PITPNM3: variants seen among roughly 807,000 people sequenced by gnomAD.
The protein encoded by PITPNM3 is membrane-associated phosphatidylinositol transfer protein 3.
A neutral mutation model predicts 102.0 loss-of-function variants in PITPNM3; 26 were observed. The ratio of observed to expected loss-of-function variants is 0.25; its 90% confidence interval spans 0.19 to 0.35. The LOEUF (loss-of-function observed/expected upper bound fraction) is 0.35. Ranked by LOEUF, PITPNM3 falls within the 10% of genes least tolerant of loss-of-function variation. The pLI is 1.00. For missense variants in PITPNM3, 1,083 were observed against 1,346.1 expected, an observed-to-expected ratio of 0.80 and a Z score of 3.06; for synonymous variants, 578 against 558.6, an observed-to-expected ratio of 1.03 and a Z score of -0.49.
At chr17:6,504,511 C>T (rs540163397) in intron 3 of PITPNM3, among the ~76,000 whole-genome samples, 1 of 152,308 alleles carries the variant, frequency 6.6e-6, no homozygotes, top group East Asian at 1.9e-4. Flanking sequence ...TCATGGCCCC[C>T]GGGCTCTCTC....
intron 4 of PITPNM3, among the ~76,000 whole-genome samples, chr17:6,502,834 T>C (rs8080040): frequency 0.75 from 113,513 of 151,956 alleles, 42,580 homozygotes; most frequent in Middle Eastern, 0.85. Context: ...CCAAGGAAGA[T>C]GTCCTGAGGT....
intron 3 of PITPNM3, among the ~76,000 whole-genome samples, chr17:6,514,493 C>T (rs904301431): frequency 2.0e-5 from 3 of 152,142 alleles, no homozygotes; most frequent in African/African-American, 7.2e-5. Flanking sequence ...TGAATAAGCA[C>T]ACGAAAAGAT....
Position 6,457,451 on chromosome 17 carries a change from A to C in PITPNM3, c.2619+143T>G. The C allele has an allele frequency of 4.4e-6, 6 of 1,373,052 alleles. No individual in the cohort carries two copies. The highest frequency in any genetic ancestry group is 5.9e-6 in the Non-Finnish European group (6 of 1,009,412). The allele number at this position is 1,373,052 out of a possible 1,614,324, so 85.1% of individuals were successfully genotyped here. On this transcript the variant is annotated intron_variant, in intron 19 of 19. Coordinates refer to ENST00000262483, the MANE Select transcript of PITPNM3 (RefSeq NM_031220.4). The surrounding 1 kb of genome is among the most constrained non-coding windows in gnomAD (Gnocchi z 4.7). ...ACACAGGCCCTGGCCCAAGGCAGGC[A>C]CCCCGAAGTGTTTGTTGAATAAATG...
In PITPNM3 at chr17:6,469,760, C is replaced by G. The variant is rs1017341736; in HGVS notation, c.1773+500G>C. 6.6e-6 allele frequency among the ~76,000 whole-genome samples: 1 copy of G among 152,220 alleles called. No individual in the cohort carries two copies. Among genetic ancestry groups the G allele is most frequent in the Non-Finnish European group, 1.5e-5 (1 of 68,048 alleles). ...AACACAAGCCAGTTGCTATTTCTTC[C>G]TTGCTCACAGCCCTGCAATGGCTTC... On this transcript the variant is annotated intron_variant, in intron 13 of 19. Transcript: ENST00000262483. The surrounding 1 kb of genome is among the most constrained non-coding windows in gnomAD (Gnocchi z 4.0).
intron 18 of PITPNM3, chr17:6,460,839 A>T (rs534618429): frequency 5.1e-5 from 9 of 177,614 alleles, no homozygotes; most frequent in Non-Finnish European, 9.6e-5. Flanking sequence ...GCCCCTCCCC[A>T]GAGTTTCTGA....
Position 6,457,746 on chromosome 17 carries a change from G to T in PITPNM3, c.2491-24C>A. ...CACTGAAACACAGGGCAGGCATAGG[G>T]GGAGAGTGAGGCCAGCCCACCCCCT... is the stretch of plus-strand genomic sequence containing the variant. On this transcript the variant is annotated intron_variant, in intron 18 of 19. Coordinates refer to ENST00000262483, the MANE Select transcript of PITPNM3 (RefSeq NM_031220.4). The surrounding 1 kb of genome is among the most constrained non-coding windows in gnomAD (Gnocchi z 4.7). 6.4e-7 allele frequency: 1 copy of T among 1,564,574 alleles called. No homozygotes were observed. The highest frequency in any genetic ancestry group is 8.7e-7 in the Non-Finnish European group (1 of 1,154,232).
At position 6,469,013 on chromosome 17, in the gene PITPNM3, G is replaced by A. The variant is rs1034405261; in HGVS notation, c.1774-672C>T. Among the ~76,000 whole-genome samples the A allele has an allele frequency of 7.3e-5, 11 of 151,378 alleles. No homozygotes were observed. Among genetic ancestry groups the A allele is most frequent in the African/African-American group, 1.2e-4 (5 of 41,146 alleles). On this transcript the variant is annotated intron_variant, in intron 13 of 19. Coordinates refer to ENST00000262483, the MANE Select transcript of PITPNM3 (RefSeq NM_031220.4). This position sits in a 1 kb window ranked among gnomAD's most constrained non-coding sequence, Gnocchi z 4.0. Reference sequence around the variant, plus strand: ...CCACTGCCCCGGTGACTCCCACCCCGCCTATCTCAGGGGTCCTCTCCCTAC... The same window carrying A: ...CCACTGCCCCGGTGACTCCCACCCCACCTATCTCAGGGGTCCTCTCCCTAC...
chr17:6,548,659 G>A (rs781206357), intron 1 of PITPNM3, among the ~76,000 whole-genome samples: 2 of 152,098 alleles, frequency 1.3e-5, no homozygotes, highest in Non-Finnish European at 2.9e-5. Flanking sequence ...ACAGACTCTA[G>A]AACAAGTGAA....
intron 3 of PITPNM3, among the ~76,000 whole-genome samples, chr17:6,522,528 G>A (rs576259009): frequency 2.6e-5 from 4 of 152,282 alleles, no homozygotes; most frequent in East Asian, 1.9e-4. Context: ...CCAAAAATGC[G>A]AGTGTGGAGC....
At chr17:6,482,899 T>C (rs1905826901) in intron 6 of PITPNM3, among the ~76,000 whole-genome samples, 1 of 151,798 alleles carries the variant, frequency 6.6e-6, no homozygotes, top group Non-Finnish European at 1.5e-5. Flanking sequence ...CCTGTCTCCA[T>C]GGGCTGGGCG....
At chr17:6,547,880 C>T (rs1208229374) in intron 1 of PITPNM3, among the ~76,000 whole-genome samples, 3 of 152,126 alleles carry the variant, frequency 2.0e-5, no homozygotes, top group African/African-American at 7.2e-5. Context: ...AGGCATGCAC[C>T]ACCATGCCTG....
At chr17:6,511,587 A>G (rs1555557522) in intron 3 of PITPNM3, among the ~76,000 whole-genome samples, 1 of 152,200 alleles carries the variant, frequency 6.6e-6, no homozygotes, top group Non-Finnish European at 1.5e-5. Context: ...GCGACAGTAG[A>G]GTAGAAAATC....
rs971796172 is a variant in PITPNM3, at chr17:6,468,160, C to T, written c.1890+65G>A. ...TACCTCCCATGTGGATGCCCCAGCCCCCGGGCCAGCCCCACCTCCCGGAGG... is the reference window on the plus strand; with the variant it reads ...TACCTCCCATGTGGATGCCCCAGCCTCCGGGCCAGCCCCACCTCCCGGAGG... On this transcript the variant is annotated intron_variant, in intron 14 of 19. Transcript: ENST00000262483. The surrounding 1 kb of genome is among the most constrained non-coding windows in gnomAD (Gnocchi z 5.2). 8 of 1,515,942 alleles carry T rather than the reference C, an allele frequency of 5.3e-6. No homozygotes were observed. Among genetic ancestry groups the T allele is most frequent in the Non-Finnish European group, 7.3e-6 (8 of 1,094,892 alleles). 93.9% of individuals were successfully genotyped at this position (1,515,942 alleles called of 1,614,324 possible). A position where few individuals can be genotyped will look rare whatever the true frequency, so the allele number is the denominator to read the frequency against.
chr17:6,501,387 G>A (rs929405576), intron 4 of PITPNM3, among the ~76,000 whole-genome samples: 1 of 152,122 alleles, frequency 6.6e-6, no homozygotes, highest in Non-Finnish European at 1.5e-5. Flanking sequence ...TCCCTTTGAG[G>A]GCACCTTTCA....
Position 6,504,024 on chromosome 17 carries a change from G to A in PITPNM3, c.227-450C>T, listed in dbSNP as rs541957519. ...CTGCATATCCCACTGCCCCCCAGAC[G>A]TCTTCTGTGGCCACTCCCAAACACT... On this transcript the variant is annotated intron_variant, in intron 3 of 19. Transcript: ENST00000262483. Among the ~76,000 whole-genome samples the A allele has an allele frequency of 1.5e-4, 23 of 152,160 alleles. No individual in the cohort carries two copies. In the South Asian group the frequency reaches 4.4e-3, roughly 29 times the overall value.
At chr17:6,463,011 G>A (rs1185733320) in intron 17 of PITPNM3, among the ~76,000 whole-genome samples, 1 of 152,082 alleles carries the variant, frequency 6.6e-6, no homozygotes, top group African/African-American at 2.4e-5. Flanking sequence ...GGAGGGATTT[G>A]TTGTAATGGC....
intron 1 of PITPNM3, among the ~76,000 whole-genome samples, chr17:6,547,011 A>T (rs573552589): frequency 6.6e-6 from 1 of 152,140 alleles, no homozygotes; most frequent in Non-Finnish European, 1.5e-5. Context: ...CGTCTCAAAA[A>T]AAAAAAAGAA....
At chr17:6,522,386 A>C (rs1032148614) in intron 3 of PITPNM3, among the ~76,000 whole-genome samples, 6 of 152,284 alleles carry the variant, frequency 3.9e-5, no homozygotes, top group African/African-American at 1.4e-4. Flanking sequence ...TATATGACTT[A>C]AATGGTTAGG....
Position 6,468,184 on chromosome 17 carries a change from G to C in PITPNM3, c.1890+41C>G. 1 of 1,594,146 alleles carries C rather than the reference G, an allele frequency of 6.3e-7. No individual in the cohort carries two copies. Among genetic ancestry groups the C allele is most frequent in the Non-Finnish European group, 8.6e-7 (1 of 1,164,068 alleles). ...CCCCGGGCCAGCCCCACCTCCCGGAGGACACAGTCCCAGCCACATGCGAAC... is the reference window on the plus strand; with the variant it reads ...CCCCGGGCCAGCCCCACCTCCCGGACGACACAGTCCCAGCCACATGCGAAC... On this transcript the variant is annotated intron_variant, in intron 14 of 19. Coordinates refer to ENST00000262483, the MANE Select transcript of PITPNM3 (RefSeq NM_031220.4). This position sits in a 1 kb window ranked among gnomAD's most constrained non-coding sequence, Gnocchi z 5.2.
Sources: gnomAD v4.1 joint callset for allele counts (sites outside exome capture counted in the v4.1 genomes callset) on GRCh38, gnomAD v4.1.1 for gene constraint, Gnocchi (gnomAD v3.1) non-coding constraint, MANE v1.5 for transcripts, NCBI Gene and HGNC (gene_info 2026-07-23, HGNC 2026-07-21) for gene names.